ARHGAP42: variants seen among roughly 807,000 people sequenced by gnomAD.
ARHGAP42 encodes the protein Rho GTPase activating protein 42, also known as rho GTPase-activating protein 42.
In ARHGAP42, 63 loss-of-function variants were observed where a neutral mutation model predicts 125.0. The observed-to-expected ratio is 0.50, with a 90% confidence interval of 0.41 to 0.62. The LOEUF (loss-of-function observed/expected upper bound fraction) is 0.62, where lower values mean the gene tolerates loss of function less well. Ranked by LOEUF, ARHGAP42 falls within the 20% of genes least tolerant of loss-of-function variation. The probability of loss-of-function intolerance (pLI) is 0.00; values close to 1 mark genes in which losing one functional copy is unlikely to be tolerated. For synonymous variants in ARHGAP42, 339 were observed against 351.0 expected, an observed-to-expected ratio of 0.97 and a Z score of 0.38; for missense variants, 766 against 1,024.2, an observed-to-expected ratio of 0.75 and a Z score of 3.44.
chr11:100,739,042 CT>C (rs1268031142), intron 1 of ARHGAP42, among the ~76,000 whole-genome samples: 3 of 152,104 alleles, frequency 2.0e-5, no homozygotes, highest in Non-Finnish European at 4.4e-5. Context: ...TTGAAAAGTG[CT>C]TATAATTTTC....
intron 1 of ARHGAP42, among the ~76,000 whole-genome samples, chr11:100,695,397 G>A (rs568957376): frequency 1.3e-5 from 2 of 152,140 alleles, no homozygotes; most frequent in East Asian, 1.9e-4. Context: ...TCCACCTCCC[G>A]GATTCAAGCT....
intron 1 of ARHGAP42, among the ~76,000 whole-genome samples, chr11:100,731,293 G>A (rs1214934747): frequency 6.6e-6 from 1 of 151,942 alleles, no homozygotes; most frequent in Non-Finnish European, 1.5e-5. Flanking sequence ...CGAGTAGCTG[G>A]GACTACAGGC....
At chr11:100,886,859 T>G (rs1374290435) in intron 4 of ARHGAP42, among the ~76,000 whole-genome samples, 1 of 152,158 alleles carries the variant, frequency 6.6e-6, no homozygotes, top group Non-Finnish European at 1.5e-5. Context: ...ATGTTGACCC[T>G]CCTTGATTTA....
At chr11:100,955,559 C>G (rs1728338632) in intron 12 of ARHGAP42, among the ~76,000 whole-genome samples, 1 of 152,092 alleles carries the variant, frequency 6.6e-6, no homozygotes, top group Non-Finnish European at 1.5e-5. Flanking sequence ...CAGTAACTAG[C>G]AAGCCATCAA....
chr11:100,869,607 G>A (rs978430664), intron 4 of ARHGAP42, among the ~76,000 whole-genome samples: 4 of 152,122 alleles, frequency 2.6e-5, no homozygotes, highest in African/African-American at 9.7e-5. Context: ...TCAGGAGACT[G>A]AGGCAGGAGA....
At chr11:100,968,423 C>T (rs1858153926) in intron 17 of ARHGAP42, among the ~76,000 whole-genome samples, 1 of 152,074 alleles carries the variant, frequency 6.6e-6, no homozygotes, top group South Asian at 2.1e-4. Context: ...TAGGGCTTAT[C>T]ATATACATCT....
rs971137889 is a variant in ARHGAP42, at chr11:100,853,086, A to C, written c.313-6468A>C. ...TTTGAGTTAATATAGTCTTTTAAAA[A>C]ATTCTATAAAATTGCTTTCTTAAAT... On this transcript the variant is annotated intron_variant, in intron 3 of 23. Coordinates refer to ENST00000298815, the MANE Select transcript of ARHGAP42 (RefSeq NM_152432.4). 2.0e-5 allele frequency among the ~76,000 whole-genome samples: 3 copies of C among 152,196 alleles called. No homozygotes were observed. In the East Asian group the frequency reaches 5.8e-4, roughly 29 times the overall value.
intron 1 of ARHGAP42, among the ~76,000 whole-genome samples, chr11:100,706,270 C>G (rs141072543): frequency 6.6e-6 from 1 of 152,164 alleles, no homozygotes; most frequent in Non-Finnish European, 1.5e-5. Context: ...CAAGTTAGCT[C>G]CATAAGAGTA....
chr11:100,943,995 T>C lies in ARHGAP42; in HGVS notation c.1043+127T>C, dbSNP rs544991989. The C allele has an allele frequency of 1.5e-4, 93 of 606,136 alleles. No homozygotes were observed. In the African/African-American group the frequency reaches 1.6e-3, roughly 10 times the overall value. The allele number at this position is 606,136 out of a possible 1,614,324, so 37.5% of individuals were successfully genotyped here. On this transcript the variant is annotated intron_variant, in intron 10 of 23. Coordinates refer to ENST00000298815, the MANE Select transcript of ARHGAP42 (RefSeq NM_152432.4). ...TTTTAAAAAACAGTATACATGTTTA[T>C]CTCTTTCTTTCATGTTGTTATTACA...
chr11:100,787,876 C>T (rs1268808346), intron 2 of ARHGAP42, among the ~76,000 whole-genome samples: 1 of 152,124 alleles, frequency 6.6e-6, no homozygotes, highest in Non-Finnish European at 1.5e-5. Flanking sequence ...TTTACATGTG[C>T]CTTGTGAAGA....
intron 3 of ARHGAP42, among the ~76,000 whole-genome samples, chr11:100,856,478 G>T (rs934981692): frequency 1.3e-5 from 2 of 152,190 alleles, no homozygotes; most frequent in Middle Eastern, 3.4e-3. Context: ...AAATTGGTTT[G>T]TAAATCCACT....
chr11:100,854,618 C>T (rs3858416), intron 3 of ARHGAP42, among the ~76,000 whole-genome samples: 12,708 of 152,104 alleles, frequency 0.084, 672 homozygotes, highest in African/African-American at 0.14. Context: ...CTCTATACCT[C>T]GTGTGAGTTT....
rs116348476 is a variant in ARHGAP42 at position 100,775,195 on chromosome 11, G to T, written c.250+4757G>T. On this transcript the variant is annotated intron_variant, in intron 2 of 23. Transcript: ENST00000298815. ...GAGTCCATCCACATAACTTCCCACA[G>T]CTGCACTAACTGCCCACTTTTTATT... is the stretch of plus-strand genomic sequence containing the variant. Among the ~76,000 whole-genome samples the T allele has an allele frequency of 7.1e-3, 1,084 of 152,284 alleles. 6 individuals are homozygous for T. Among genetic ancestry groups the T allele is most frequent in the African/African-American group, 0.024 (987 of 41,536 alleles).
At chr11:100,988,510 T>A (rs2135338429) in intron 23 of ARHGAP42, among the ~76,000 whole-genome samples, 1 of 152,318 alleles carries the variant, frequency 6.6e-6, no homozygotes, top group East Asian at 1.9e-4. Flanking sequence ...CAGGGGGATG[T>A]CCCTAGGGTA....
chr11:100,789,108 G>T (rs11224447), intron 2 of ARHGAP42, among the ~76,000 whole-genome samples: 10,239 of 152,166 alleles, frequency 0.067, 343 homozygotes, highest in East Asian at 0.18. Flanking sequence ...TTTACTACTT[G>T]TTTCCTACTC....
At chr11:100,830,029 T>G (rs1057078041) in intron 3 of ARHGAP42, among the ~76,000 whole-genome samples, 2 of 152,212 alleles carry the variant, frequency 1.3e-5, no homozygotes, top group Non-Finnish European at 2.9e-5. Context: ...TGTAGGACAG[T>G]AGAATAACAA....
chr11:100,687,870 G>C (rs2120155826), intron 1 of ARHGAP42, 38 bp downstream of exon 1: 1 of 1,509,018 alleles, frequency 6.6e-7, no homozygotes, highest in East Asian at 2.6e-5. Flanking sequence ...ACCCGCATCT[G>C]GAGAGTCCCC....
intron 4 of ARHGAP42, among the ~76,000 whole-genome samples, chr11:100,878,298 C>G (rs915663577): frequency 1.3e-5 from 2 of 151,630 alleles, no homozygotes; most frequent in African/African-American, 2.4e-5. Context: ...CCGGCCTATT[C>G]CTTCTATTTC....
At chr11:100,981,725 TA>T (rs1365601345) in intron 22 of ARHGAP42, among the ~76,000 whole-genome samples, 4 of 152,144 alleles carry the variant, frequency 2.6e-5, no homozygotes, top group African/African-American at 4.8e-5. Flanking sequence ...TGGTGAGATT[TA>T]AAAGGCCTTA....
Sources: gnomAD v4.1 joint callset for allele counts (sites outside exome capture counted in the v4.1 genomes callset) on GRCh38, gnomAD v4.1.1 for gene constraint, MANE v1.5 for transcripts, NCBI Gene and HGNC (gene_info 2026-07-23, HGNC 2026-07-21) for gene names.